Variants in TSGA10 observed in about 807,000 individuals in gnomAD.
The protein encoded by TSGA10 is testis specific 10.
Under a neutral mutation model 96.6 loss-of-function variants are expected in TSGA10, and 43 were observed. That is an observed-to-expected ratio of 0.44 (90% CI 0.35 to 0.57). The LOEUF is 0.57. TSGA10 is among the 20% of genes least tolerant of loss of function. TSGA10 has a pLI of 0.01. For synonymous variants in TSGA10, 229 were observed against 269.9 expected (o/e 0.85, Z 1.48); for missense variants, 703 against 834.4 (o/e 0.84, Z 1.94).
intron 1 of TSGA10, among the ~76,000 whole-genome samples, chr2:99,129,935 G>T (rs968013823): frequency 1.3e-5 from 2 of 152,098 alleles, no homozygotes; most frequent in Admixed American, 1.3e-4. Context: ...ATGGTTTCCA[G>T]CTTCATCCAT....
At chr2:99,087,007 A>G (rs531074662) in intron 10 of TSGA10, among the ~76,000 whole-genome samples, 125 of 152,036 alleles carry the variant, frequency 8.2e-4, no homozygotes, top group South Asian at 4.2e-3. Context: ...GATTGAGACC[A>G]TCCTGGCTAA....
chr2:99,120,477 C>A (rs1047190658), intron 2 of TSGA10, among the ~76,000 whole-genome samples: 3 of 152,102 alleles, frequency 2.0e-5, no homozygotes, highest in African/African-American at 7.2e-5. Context: ...AAATGAGAGT[C>A]TCTTGAGTTT....
intron 14 of TSGA10, 41 bp downstream of exon 14, chr2:99,071,664 AT>A (rs750137372): frequency 9.6e-5 from 147 of 1,532,146 alleles, no homozygotes; most frequent in Middle Eastern, 5.2e-4. Flanking sequence ...AGAAATTCAT[AT>A]TTTTTTTTCT....
intron 1 of TSGA10, chr2:99,141,267 G>A: frequency 1.3e-6 from 1 of 762,162 alleles, no homozygotes; most frequent in Non-Finnish European, 1.7e-6. Context: ...TCGGAGGAAG[G>A]ACGGAGCCCG....
chr2:99,016,436 A>G (rs1472220996), intron 20 of TSGA10, among the ~76,000 whole-genome samples: 1 of 152,288 alleles, frequency 6.6e-6, no homozygotes, highest in Non-Finnish European at 1.5e-5. Flanking sequence ...GATAATTGGG[A>G]AGCCACATGT....
chr2:99,075,424 C>T (rs2086589601), intron 12 of TSGA10, among the ~76,000 whole-genome samples: 1 of 152,002 alleles, frequency 6.6e-6, no homozygotes, highest in African/African-American at 2.4e-5. Flanking sequence ...TATGAAGTTG[C>T]CATTGAGTTT....
intron 16 of TSGA10, among the ~76,000 whole-genome samples, chr2:99,047,449 C>G (rs1372810692): frequency 2.0e-5 from 3 of 152,082 alleles, no homozygotes; most frequent in Non-Finnish European, 4.4e-5. Context: ...TAATCCATCA[C>G]ATAAACAGAA....
intron 16 of TSGA10, among the ~76,000 whole-genome samples, chr2:99,043,383 G>A (rs1012899213): frequency 4.6e-5 from 7 of 151,880 alleles, no homozygotes; most frequent in Non-Finnish European, 8.8e-5. Flanking sequence ...ACAAACCTCC[G>A]AAAAATATAG....
intron 10 of TSGA10, among the ~76,000 whole-genome samples, chr2:99,093,878 T>C (rs967683660): frequency 6.6e-6 from 1 of 152,216 alleles, no homozygotes; most frequent in Admixed American, 6.5e-5. Context: ...ACACCATCTT[T>C]CTTCACAGAA....
chr2:99,128,033 A>G (rs532686310), intron 1 of TSGA10, among the ~76,000 whole-genome samples: 28 of 152,212 alleles, frequency 1.8e-4, no homozygotes, highest in Non-Finnish European at 4.0e-4. Context: ...TTAGGAAAAC[A>G]ATTTTTTCTT....
intron 10 of TSGA10, among the ~76,000 whole-genome samples, chr2:99,085,330 C>T (rs868534614): frequency 4.0e-5 from 6 of 151,250 alleles, no homozygotes; most frequent in Admixed American, 2.6e-4. Flanking sequence ...AGAAGCCAGG[C>T]ATGATGGCTC....
chr2:99,137,455 C>T (rs1559132564), intron 1 of TSGA10, among the ~76,000 whole-genome samples: 1 of 152,156 alleles, frequency 6.6e-6, no homozygotes, highest in Non-Finnish European at 1.5e-5. Context: ...TAAGTGAAGA[C>T]AAGGGCCAAA....
chr2:99,100,188 A>C (rs888717877), intron 10 of TSGA10, among the ~76,000 whole-genome samples: 2 of 152,184 alleles, frequency 1.3e-5, no homozygotes, highest in African/African-American at 2.4e-5. Context: ...GCTCACTCTA[A>C]AATTTATATG....
intron 10 of TSGA10, among the ~76,000 whole-genome samples, chr2:99,097,578 C>T (rs1261883167): frequency 6.6e-6 from 1 of 152,050 alleles, no homozygotes; most frequent in African/African-American, 2.4e-5. Flanking sequence ...GAGTTTATGA[C>T]TTCTAGAATG....
intron 2 of TSGA10, among the ~76,000 whole-genome samples, chr2:99,122,791 CAA>C (rs756084115): frequency 1.0e-4 from 14 of 135,586 alleles, no homozygotes; most frequent in Admixed American, 1.5e-4. Flanking sequence ...ACCCTGTCTC[CAA>C]AAAAAAAAAA....
intron 18 of TSGA10, among the ~76,000 whole-genome samples, chr2:99,018,933 C>T (rs1408011216): frequency 6.6e-6 from 1 of 152,178 alleles, no homozygotes; most frequent in Non-Finnish European, 1.5e-5. Flanking sequence ...ATACTACTTA[C>T]TATAAATTGT....
intron 1 of TSGA10, among the ~76,000 whole-genome samples, chr2:99,134,791 GT>G (rs2093254519): frequency 6.6e-6 from 1 of 152,142 alleles, no homozygotes; most frequent in Admixed American, 6.5e-5. Flanking sequence ...CGTCATTTTT[GT>G]TGATATTGAT....
chr2:99,126,184 T>C (rs2092812001), intron 2 of TSGA10: 1 of 152,542 alleles, frequency 6.6e-6, no homozygotes, highest in African/African-American at 2.4e-5. Context: ...CTGGCAAGCG[T>C]GGAAAGTGTA....
chr2:99,124,333 C>A (rs2092718052), intron 2 of TSGA10, among the ~76,000 whole-genome samples: 1 of 152,074 alleles, frequency 6.6e-6, no homozygotes, highest in Non-Finnish European at 1.5e-5. Context: ...GGGAAAGGGG[C>A]TAATTGTAGG....
Sources: allele counts gnomAD v4.1 joint callset (sites outside exome capture counted in the v4.1 genomes callset), GRCh38; gene constraint gnomAD v4.1.1; transcripts MANE v1.5; gene names NCBI Gene and HGNC (gene_info 2026-07-23, HGNC 2026-07-21).